BRF1: variants seen among roughly 807,000 people sequenced by gnomAD.
The protein encoded by BRF1 is transcription factor IIIB 90 kDa subunit.
Under a neutral mutation model 81.7 loss-of-function variants are expected in BRF1, and 59 were observed. The ratio of observed to expected loss-of-function variants is 0.72; its 90% CI spans 0.59 to 0.90. The LOEUF (loss-of-function observed/expected upper bound fraction) is 0.90, where lower values mean the gene tolerates loss of function less well. Among genes scored for constraint, BRF1 ranks in the 40% least tolerant of loss-of-function variants. BRF1 has a pLI of 0.00. For missense variants in BRF1, 1,050 were observed against 936.3 expected, an observed-to-expected ratio of 1.12 and a Z score of -1.58; for synonymous variants, 491 against 395.6, an observed-to-expected ratio of 1.24 and a Z score of -2.86.
At chr14:105,222,876 C>T (rs1212778798) in intron 10 of BRF1, among the ~76,000 whole-genome samples, 2 of 152,160 alleles carry the variant, frequency 1.3e-5, no homozygotes, top group Non-Finnish European at 2.9e-5. Flanking sequence ...GATCTGCCCA[C>T]CTCAGCCTCC....
intron 5 of BRF1, chr14:105,247,896 G>A (rs1403731349): frequency 3.0e-6 from 3 of 985,486 alleles, no homozygotes; most frequent in Middle Eastern, 5.2e-4. Context: ...GCACCTCCCA[G>A]GATTAGCCCC....
chr14:105,248,350 T>A, intron 5 of BRF1: 1 of 985,462 alleles, frequency 1.0e-6, no homozygotes, highest in Non-Finnish European at 1.2e-6. Flanking sequence ...CGCAAGCACC[T>A]GCGCATGGCA....
intron 1 of BRF1, among the ~76,000 whole-genome samples, chr14:105,297,884 T>A (rs1252299268): frequency 1.3e-5 from 2 of 152,082 alleles, no homozygotes; most frequent in Non-Finnish European, 2.9e-5. Flanking sequence ...TAGTCCCAGC[T>A]ACTTGGGAGG....
chr14:105,241,488 G>A, intron 5 of BRF1, 74 bp from the exon 6 acceptor site: 1 of 1,579,134 alleles, frequency 6.3e-7, no homozygotes, highest in South Asian at 1.1e-5. Context: ...ACGCAGCCCA[G>A]GGGTGGGGCA....
rs1033240855 is a variant in BRF1 at position 105,210,645 on chromosome 14, C to T, written c.1997-57G>A. ...TCTCTGTGGGACCCAGGAGCCCAGACCCCCCAACCCGCCCTGTTCCTGGTG... is the reference window on the plus strand; with the variant it reads ...TCTCTGTGGGACCCAGGAGCCCAGATCCCCCAACCCGCCCTGTTCCTGGTG... On this transcript the variant is annotated intron_variant, in intron 17 of 17. Transcript: ENST00000547530. This position sits in a 1 kb window ranked among gnomAD's most constrained non-coding sequence, Gnocchi z 4.7. 4 of 1,584,714 alleles carry T rather than the reference C, an allele frequency of 2.5e-6. No homozygotes were observed. In the East Asian group the frequency reaches 6.7e-5, roughly 27 times the overall value.
At chr14:105,223,793 C>T (rs893739743) in intron 10 of BRF1, among the ~76,000 whole-genome samples, 26 of 152,152 alleles carry the variant, frequency 1.7e-4, no homozygotes, top group African/African-American at 6.3e-4. Flanking sequence ...TTTCATACGG[C>T]AATCACACCT....
intron 1 of BRF1, among the ~76,000 whole-genome samples, chr14:105,299,786 T>G (rs2057906519): frequency 6.6e-6 from 1 of 152,218 alleles, no homozygotes; most frequent in African/African-American, 2.4e-5. Flanking sequence ...CTGGTGAGAA[T>G]GCATAATGGC....
At chr14:105,249,667 G>T in intron 5 of BRF1, 1 of 1,612,964 alleles carries the variant, frequency 6.2e-7, no homozygotes, top group South Asian at 1.1e-5. Context: ...AGATCGATCT[G>T]GAAGCCGACA....
chr14:105,242,723 G>A (rs1464051835), intron 5 of BRF1: 3 of 99,498 alleles, frequency 3.0e-5, no homozygotes, highest in African/African-American at 1.2e-4. Context: ...CAACAAGAGC[G>A]AAGTTCTGAC....
intron 5 of BRF1, chr14:105,250,360 G>C (rs2055530940): frequency 1.9e-6 from 3 of 1,613,676 alleles, no homozygotes; most frequent in Non-Finnish European, 2.5e-6. Context: ...GCTCTGGGAA[G>C]GCTGAGTACA....
At chr14:105,253,062 C>A (rs2055695484) in intron 4 of BRF1, among the ~76,000 whole-genome samples, 1 of 152,232 alleles carries the variant, frequency 6.6e-6, no homozygotes, top group South Asian at 2.1e-4. Context: ...ACCTTAGGTC[C>A]AAATCCACAC....
chr14:105,244,846 T>A (rs1322255258), intron 5 of BRF1, among the ~76,000 whole-genome samples: 1 of 151,998 alleles, frequency 6.6e-6, no homozygotes, highest in Non-Finnish European at 1.5e-5. Flanking sequence ...TTCTCCAGTG[T>A]CTGTGGGACA....
intron 2 of BRF1, among the ~76,000 whole-genome samples, chr14:105,283,521 G>A (rs2057196514): frequency 6.6e-6 from 1 of 152,192 alleles, no homozygotes; most frequent in Non-Finnish European, 1.5e-5. Context: ...GGGCCTGCAG[G>A]TCACAACCTT....
intron 1 of BRF1, among the ~76,000 whole-genome samples, chr14:105,294,550 A>T (rs2057656932): frequency 6.6e-6 from 1 of 152,236 alleles, no homozygotes; most frequent in Non-Finnish European, 1.5e-5. Flanking sequence ...GGCAACTGTG[A>T]CACAGCTGCA....
At chr14:105,260,442 G>C (rs2056096355) in intron 3 of BRF1, among the ~76,000 whole-genome samples, 1 of 151,928 alleles carries the variant, frequency 6.6e-6, no homozygotes, top group Non-Finnish European at 1.5e-5. Context: ...TACAATCTTG[G>C]ATCACTACAA....
At chr14:105,227,378 C>G (rs748168428) in intron 7 of BRF1, 1 of 152,742 alleles carries the variant, frequency 6.5e-6, no homozygotes, top group Admixed American at 6.5e-5. Context: ...CAAGATCGTG[C>G]CACTGTACTC....
intron 8 of BRF1, 113 bp downstream of exon 8, chr14:105,226,521 G>A (rs1893124204): frequency 6.5e-7 from 1 of 1,548,244 alleles, no homozygotes. Flanking sequence ...GCACTGAAGA[G>A]CGGCTATGAG....
chr14:105,256,867 G>A (rs587593557), intron 3 of BRF1, among the ~76,000 whole-genome samples: 2 of 152,196 alleles, frequency 1.3e-5, no homozygotes, highest in African/African-American at 2.4e-5. Context: ...TGGAGAAAGC[G>A]TGCACCCCCA....
At chr14:105,282,907 T>C (rs1292420740) in intron 2 of BRF1, among the ~76,000 whole-genome samples, 1 of 152,130 alleles carries the variant, frequency 6.6e-6, no homozygotes. Flanking sequence ...CACTCCAGCC[T>C]GGGTGACAGA....
Sources: gnomAD v4.1 joint callset for allele counts (sites outside exome capture counted in the v4.1 genomes callset) on GRCh38, gnomAD v4.1.1 for gene constraint, Gnocchi (gnomAD v3.1) non-coding constraint, MANE v1.5 for transcripts, NCBI Gene and HGNC (gene_info 2026-07-23, HGNC 2026-07-21) for gene names.